Variants in QRICH1 observed in about 807,000 individuals in gnomAD.
QRICH1 encodes the protein glutamine rich 1, also known as transcriptional regulator QRICH1.
A neutral mutation model predicts 87.1 loss-of-function variants in QRICH1; 16 were observed. The ratio of observed to expected loss-of-function variants is 0.18; its 90% confidence interval spans 0.12 to 0.28. The LOEUF (loss-of-function observed/expected upper bound fraction) is 0.28. Among genes scored for constraint, QRICH1 ranks in the 10% least tolerant of loss-of-function variants. QRICH1 has a pLI of 1.00. For missense variants in QRICH1, 647 were observed against 951.7 expected (o/e 0.68, Z 4.21); for synonymous variants, 367 against 368.4 (o/e 1.00, Z 0.05).
rs564594982 is a variant in QRICH1, at chr3:49,044,371, G to A, written c.1786+19C>T. On this transcript the variant is annotated intron_variant, in intron 6 of 9. Coordinates refer to ENST00000395443, the MANE Select transcript of QRICH1 (RefSeq NM_198880.3). Reference sequence around the variant, plus strand: ...AAATCCAGGTAGGAAAGATATCCAAGGACAAGGGAGACTCTTACCAAGTGG... The same window carrying A: ...AAATCCAGGTAGGAAAGATATCCAAAGACAAGGGAGACTCTTACCAAGTGG... 71 of 1,551,898 alleles carry A rather than the reference G, an allele frequency of 4.6e-5. 2 individuals are homozygous for A. The South Asian group carries it at 8.1e-4, about 18-fold the overall frequency.
chr3:49,094,191 G>T, upstream of QRICH1: 1 of 391,542 alleles, frequency 2.6e-6, no homozygotes, highest in Non-Finnish European at 4.5e-6. Flanking sequence ...GCTTCTGGCC[G>T]CTAGAGCGGA....
intron 2 of QRICH1, among the ~76,000 whole-genome samples, chr3:49,074,180 G>A (rs2041904231): frequency 1.3e-5 from 2 of 152,094 alleles, no homozygotes; most frequent in South Asian, 4.2e-4. Context: ...AAATACATCA[G>A]CCTTTCCATT....
At chr3:49,031,766 G>A (rs1201435303) in intron 9 of QRICH1, among the ~76,000 whole-genome samples, 3 of 152,122 alleles carry the variant, frequency 2.0e-5, no homozygotes, top group Non-Finnish European at 4.4e-5. Flanking sequence ...GTGCATCAAA[G>A]GAGTTGTCTG....
intron 2 of QRICH1, among the ~76,000 whole-genome samples, chr3:49,071,219 C>T (rs2093498655): frequency 6.6e-6 from 1 of 152,068 alleles, no homozygotes; most frequent in Non-Finnish European, 1.5e-5. Context: ...CACCCGCCAC[C>T]AGGCCTGGCT....
chr3:49,085,366 C>T (rs1445819620), intron 1 of QRICH1, among the ~76,000 whole-genome samples: 4 of 151,498 alleles, frequency 2.6e-5, no homozygotes, highest in African/African-American at 7.3e-5. Flanking sequence ...GGTGAAACCC[C>T]ATCTCTACTA....
In QRICH1 at chr3:49,064,558, C is replaced by G. The variant is rs972944674; in HGVS notation, c.310-6668G>C. ...ATGAGCCACCACGCCTGGCCCAAAA[C>G]TAGGAATTTAAAAAATTGTAAACCA... On this transcript the variant is annotated intron_variant, in intron 2 of 9. Coordinates refer to ENST00000395443, the MANE Select transcript of QRICH1 (RefSeq NM_198880.3). Among the ~76,000 whole-genome samples, 3 of 151,892 alleles carry G rather than the reference C, an allele frequency of 2.0e-5. No individual in the cohort carries two copies. In the South Asian group the frequency reaches 6.2e-4, roughly 32 times the overall value.
chr3:49,077,958 A>AG (rs2041983515), intron 1 of QRICH1, among the ~76,000 whole-genome samples: 2 of 152,222 alleles, frequency 1.3e-5, no homozygotes, highest in Admixed American at 6.5e-5. Context: ...GCAGACGTAC[A>AG]GTTAACTCTC....
chr3:49,093,282 A>G (rs2042313919), intron 1 of QRICH1: 1 of 152,146 alleles, frequency 6.6e-6, no homozygotes, highest in African/African-American at 2.4e-5. Context: ...GCATTCTTCG[A>G]GGAGAACGGG....
rs185823119 is a variant in QRICH1 at position 49,080,507 on chromosome 3, A to T, written c.-21-3469T>A. 3.2e-3 allele frequency among the ~76,000 whole-genome samples: 484 copies of T among 151,440 alleles called. 3 individuals carry two copies. The highest frequency in any genetic ancestry group is 0.011 in the African/African-American group (446 of 41,344). Reference sequence around the variant, plus strand: ...CAAAAACAACAACAAAAAATAATTTAAAAAAAAACAAGAAAAAAGAAACAC... The same window carrying T: ...CAAAAACAACAACAAAAAATAATTTTAAAAAAAACAAGAAAAAAGAAACAC... On this transcript the variant is annotated intron_variant, in intron 1 of 9. Transcript: ENST00000395443.
chr3:49,066,148 G>T (rs2093467197), intron 2 of QRICH1, among the ~76,000 whole-genome samples: 1 of 152,078 alleles, frequency 6.6e-6, no homozygotes, highest in Admixed American at 6.6e-5. Context: ...TTAGCCAGAC[G>T]TGGTTGTGAG....
chr3:49,032,148 G>A lies in QRICH1; in HGVS notation c.2138+35C>T, dbSNP rs766869761. The A allele has an allele frequency of 1.9e-5, 28 of 1,499,512 alleles. 1 individual carries two copies. The highest frequency in any genetic ancestry group is 5.6e-5 in the South Asian group (5 of 88,602). The allele number at this position is 1,499,512 out of a possible 1,614,324, so 92.9% of individuals were successfully genotyped here. A position where few individuals can be genotyped will look rare whatever the true frequency, so the allele number is the denominator to read the frequency against. On this transcript the variant is annotated intron_variant, in intron 9 of 9. Transcript: ENST00000395443. The stretch of plus-strand genomic sequence containing the variant: ...CATGCACACGCATACACACACATGC[G>A]CACACATGGACAGCAAGTCACAATA...
At chr3:49,034,872 T>C (rs2093265279) in intron 6 of QRICH1, among the ~76,000 whole-genome samples, 1 of 152,200 alleles carries the variant, frequency 6.6e-6, no homozygotes, top group Admixed American at 6.5e-5. Context: ...AGTATTCTCC[T>C]GCAGGGTTTC....
intron 3 of QRICH1, among the ~76,000 whole-genome samples, chr3:49,048,780 T>TCC (rs541852187): frequency 7.6e-6 from 1 of 130,994 alleles, no homozygotes; most frequent in Admixed American, 7.9e-5. Flanking sequence ...AGAGTGAGAC[T>TCC]CTGTTCACAA....
intron 1 of QRICH1, among the ~76,000 whole-genome samples, chr3:49,081,811 ATT>A (rs71077763): frequency 3.7e-5 from 5 of 134,622 alleles, no homozygotes; most frequent in Admixed American, 7.4e-5. Flanking sequence ...GAAGCCTTCT[ATT>A]TTTTTTTTTT....
At chr3:49,050,512 CT>C (rs1463852039) in intron 3 of QRICH1, among the ~76,000 whole-genome samples, 1 of 151,592 alleles carries the variant, frequency 6.6e-6, no homozygotes, top group Non-Finnish European at 1.5e-5. Context: ...ACCCAAAGCC[CT>C]AGTTTCGCTC....
chr3:49,080,231 G>A (rs2042032163), intron 1 of QRICH1, among the ~76,000 whole-genome samples: 1 of 152,124 alleles, frequency 6.6e-6, no homozygotes, highest in Non-Finnish European at 1.5e-5. Flanking sequence ...GCAGAGGTCA[G>A]CTGGAATTTA....
At chr3:49,067,569 A>G (rs562655922) in intron 2 of QRICH1, among the ~76,000 whole-genome samples, 9 of 149,274 alleles carry the variant, frequency 6.0e-5, no homozygotes, top group South Asian at 4.3e-4. Flanking sequence ...CTCTGTCTCG[A>G]AAAAAAAAAC....
rs1221878468 is a variant in QRICH1, at chr3:49,032,710, CT to C, written c.1958del (p.Gln653ArgfsTer19). The C allele has an allele frequency of 6.2e-7, 1 of 1,612,492 alleles. No individual in the cohort carries two copies. Among genetic ancestry groups the C allele is most frequent in the Admixed American group, 1.7e-5 (1 of 59,460 alleles). ...MKLAFSKVLR[Q>X]TKKNPSNPKD... ...TGGGATTAGAGGGGTTCTTCTTTGT[CT>C]GTCGCAAGACCTTGGAGAAGGCCAG... On this transcript the variant is annotated frameshift_variant, in exon 8 of 10. Coordinates refer to ENST00000395443, the MANE Select transcript of QRICH1 (RefSeq NM_198880.3). LOFTEE classifies it high-confidence loss of function.
intron 1 of QRICH1, among the ~76,000 whole-genome samples, chr3:49,089,484 A>G (rs1047748042): frequency 6.6e-6 from 1 of 152,194 alleles, no homozygotes; most frequent in Non-Finnish European, 1.5e-5. Flanking sequence ...GAACCTGAGC[A>G]ATTTTACCCA....
Sources: gnomAD v4.1 joint callset for allele counts (sites outside exome capture counted in the v4.1 genomes callset) on GRCh38, gnomAD v4.1.1 for gene constraint, MANE v1.5 for transcripts, NCBI Gene and HGNC (gene_info 2026-07-23, HGNC 2026-07-21) for gene names.